FSTL5: variants seen among roughly 807,000 people sequenced by gnomAD.
The protein encoded by FSTL5 is follistatin like 5, also known as follistatin-related protein 5.
Under a neutral mutation model 89.1 loss-of-function variants are expected in FSTL5, and 62 were observed. The observed-to-expected ratio is 0.70, with a 90% CI of 0.57 to 0.86. The LOEUF is 0.86. Ranked by LOEUF, FSTL5 falls within the 40% of genes least tolerant of loss-of-function variation. The pLI is 0.00. For synonymous variants in FSTL5, 383 were observed against 346.2 expected, an observed-to-expected ratio of 1.11 and a Z score of -1.18; for missense variants, 1,057 against 1,001.6, an observed-to-expected ratio of 1.06 and a Z score of -0.75.
intron 3 of FSTL5, among the ~76,000 whole-genome samples, chr4:161,921,584 G>A (rs1481145565): frequency 6.6e-6 from 1 of 151,954 alleles, no homozygotes; most frequent in Non-Finnish European, 1.5e-5. Flanking sequence ...CTTATGTATT[G>A]CAAAAAAGAA....
At chr4:162,089,923 A>G (rs888962484) in intron 2 of FSTL5, among the ~76,000 whole-genome samples, 4 of 152,122 alleles carry the variant, frequency 2.6e-5, no homozygotes, top group African/African-American at 9.7e-5. Flanking sequence ...GTGGATACAT[A>G]TTTTATTTTT....
At chr4:161,682,797 G>C (rs540121916) in intron 6 of FSTL5, among the ~76,000 whole-genome samples, 8 of 151,808 alleles carry the variant, frequency 5.3e-5, no homozygotes. Context: ...CCCAGGCTGG[G>C]GTGCAATGGC....
intron 1 of FSTL5, among the ~76,000 whole-genome samples, chr4:162,159,119 T>C (rs1387389950): frequency 6.6e-6 from 1 of 152,056 alleles, no homozygotes; most frequent in African/African-American, 2.4e-5. Context: ...TTTTAGGGTT[T>C]TGGAATTTTA....
intron 8 of FSTL5, among the ~76,000 whole-genome samples, chr4:161,565,224 T>TATCATCAGC (rs1732755289): frequency 1.3e-5 from 2 of 150,312 alleles, no homozygotes; most frequent in East Asian, 4.0e-4. Flanking sequence ...ATATCTTGCC[T>TATCATCAGC]ATCATCATCA....
At chr4:161,779,778 T>C (rs1201509156) in intron 4 of FSTL5, among the ~76,000 whole-genome samples, 17 of 55,678 alleles carry the variant, frequency 3.1e-4, no homozygotes, top group Non-Finnish European at 4.7e-4. Context: ...TATATATGTA[T>C]ATATATATAT....
rs375309884 is a variant in FSTL5 at position 161,455,029 on chromosome 4, T to C, written c.1816A>G (p.Thr606Ala). ...CTCATATGGGTGATAATGAGTGTTG[T>C]GGTGGGAATGAAAAAATCATCCACT... ...DRVDDFFIPT[T>A]TLIITHMRFG... The change falls in exon 15 of 16, where the codon ACA becomes GCA. Residue 606 changes from threonine (T) to alanine (A), a missense_variant. Physicochemically the swap from Thr to Ala is moderately conservative, Grantham distance 58. Transcript: ENST00000306100. The C allele has an allele frequency of 1.2e-6, 2 of 1,613,570 alleles. No homozygotes were observed. Among genetic ancestry groups the C allele is most frequent in the East Asian group, 2.2e-5 (1 of 44,864 alleles).
At chr4:161,705,797 A>G (rs1471544366) in intron 6 of FSTL5, among the ~76,000 whole-genome samples, 2 of 150,544 alleles carry the variant, frequency 1.3e-5, no homozygotes, top group Non-Finnish European at 3.0e-5. Flanking sequence ...AATAGTTACT[A>G]TAATGATGAT....
At chr4:161,475,622 T>C (rs1227973265) in intron 13 of FSTL5, among the ~76,000 whole-genome samples, 1 of 143,668 alleles carries the variant, frequency 7.0e-6, no homozygotes, top group Non-Finnish European at 1.6e-5. Context: ...ACATTTCCAT[T>C]TTGTTTTTAC....
chr4:161,934,679 A>C (rs1734385491), intron 3 of FSTL5, among the ~76,000 whole-genome samples: 1 of 152,034 alleles, frequency 6.6e-6, no homozygotes, highest in South Asian at 2.1e-4. Context: ...TATTAATAGA[A>C]CTGATTTCAT....
intron 6 of FSTL5, among the ~76,000 whole-genome samples, chr4:161,687,041 A>C (rs1737772308): frequency 1.3e-5 from 2 of 152,184 alleles, no homozygotes; most frequent in African/African-American, 2.4e-5. Context: ...ACACATTTTG[A>C]AAATTAAATA....
At chr4:161,857,807 T>A (rs1301712600) in intron 4 of FSTL5, among the ~76,000 whole-genome samples, 1 of 152,208 alleles carries the variant, frequency 6.6e-6, no homozygotes. Context: ...TGTCTCTTTT[T>A]TTCCCCAGTC....
chr4:161,896,271 T>A (rs1440604), intron 4 of FSTL5, among the ~76,000 whole-genome samples: 11 of 151,938 alleles, frequency 7.2e-5, no homozygotes, highest in Non-Finnish European at 1.6e-4. Flanking sequence ...ATGAAACACA[T>A]GAAATAGTTG....
intron 4 of FSTL5, among the ~76,000 whole-genome samples, chr4:161,788,140 A>G (rs894291904): frequency 8.5e-5 from 13 of 152,158 alleles, no homozygotes; most frequent in Non-Finnish European, 1.9e-4. Context: ...TTTTTAATTG[A>G]CACGTAATAA....
chr4:161,428,776 C>G (rs1732250878), intron 15 of FSTL5, among the ~76,000 whole-genome samples: 1 of 152,134 alleles, frequency 6.6e-6, no homozygotes, highest in South Asian at 2.1e-4. Flanking sequence ...GTGCTGGCTT[C>G]AAGTGTGACG....
chr4:162,145,540 C>T (rs1732940607), intron 1 of FSTL5, among the ~76,000 whole-genome samples: 1 of 152,062 alleles, frequency 6.6e-6, no homozygotes, highest in African/African-American at 2.4e-5. Context: ...TAAAAACAAA[C>T]TGATGAAGAG....
At chr4:162,152,454 TA>T (rs1398473240) in intron 1 of FSTL5, among the ~76,000 whole-genome samples, 1 of 152,214 alleles carries the variant, frequency 6.6e-6, no homozygotes, top group Non-Finnish European at 1.5e-5. Flanking sequence ...TTTTTGCGTT[TA>T]TTTTCTAAAG....
chr4:161,571,788 C>T (rs1271347410), intron 8 of FSTL5, among the ~76,000 whole-genome samples: 4 of 152,216 alleles, frequency 2.6e-5, no homozygotes, highest in Middle Eastern at 3.4e-3. Flanking sequence ...GAGTGCATTT[C>T]GTAAACACAG....
chr4:161,671,551 T>C (rs1737115462), intron 6 of FSTL5, among the ~76,000 whole-genome samples: 1 of 152,172 alleles, frequency 6.6e-6, no homozygotes, highest in Non-Finnish European at 1.5e-5. Flanking sequence ...CTTAGACACA[T>C]GTAAGTTTTA....
At chr4:161,698,517 G>A (rs571329285) in intron 6 of FSTL5, among the ~76,000 whole-genome samples, 2 of 152,250 alleles carry the variant, frequency 1.3e-5, no homozygotes, top group Middle Eastern at 3.4e-3. Context: ...TTGATGTGAC[G>A]GGGCTGTTTT....
Sources: allele counts gnomAD v4.1 joint callset (sites outside exome capture counted in the v4.1 genomes callset), GRCh38; gene constraint gnomAD v4.1.1; transcripts MANE v1.5; gene names NCBI Gene and HGNC (gene_info 2026-07-23, HGNC 2026-07-21).